AFAP1L1: variants seen among roughly 807,000 people sequenced by gnomAD.
AFAP1L1 encodes actin filament associated protein 1 like 1.
Under a neutral mutation model 99.8 loss-of-function variants are expected in AFAP1L1, and 77 were observed. The observed-to-expected ratio is 0.77, with a 90% CI of 0.64 to 0.93. AFAP1L1 has a LOEUF of 0.93. Among genes scored for constraint, AFAP1L1 ranks in the 40% least tolerant of loss-of-function variants. The probability of loss-of-function intolerance (pLI) is 0.00; values close to 1 mark genes in which losing one functional copy is unlikely to be tolerated. For synonymous variants in AFAP1L1, 373 were observed against 395.3 expected (o/e 0.94, Z 0.67); for missense variants, 893 against 996.8 (o/e 0.90, Z 1.40).
intron 15 of AFAP1L1, among the ~76,000 whole-genome samples, chr5:149,327,348 T>C (rs1757125909): frequency 1.3e-5 from 2 of 152,244 alleles, no homozygotes; most frequent in African/African-American, 2.4e-5. Context: ...GGGTAACTTA[T>C]AAACAACAGA....
chr5:149,277,113 G>A (rs1052588955), intron 1 of AFAP1L1, among the ~76,000 whole-genome samples: 8 of 152,156 alleles, frequency 5.3e-5, no homozygotes, highest in African/African-American at 1.2e-4. Flanking sequence ...CCAACATTAT[G>A]TCTGATCTCC....
At chr5:149,272,369 C>G (rs1227176334) in intron 1 of AFAP1L1, among the ~76,000 whole-genome samples, 2 of 152,200 alleles carry the variant, frequency 1.3e-5, no homozygotes, top group African/African-American at 4.8e-5. Flanking sequence ...GTGGGCAGCC[C>G]CTAGGGAGAA....
At chr5:149,317,647 C>G in intron 11 of AFAP1L1, 82 bp from the exon 12 acceptor site, 1 of 1,484,438 alleles carries the variant, frequency 6.7e-7, no homozygotes, top group African/African-American at 1.4e-5. Context: ...GGCCTTCTTT[C>G]CAGCAGACAC....
intron 6 of AFAP1L1, 119 bp downstream of exon 6, chr5:149,306,523 T>G: frequency 2.2e-6 from 2 of 896,862 alleles, no homozygotes; most frequent in Non-Finnish European, 3.3e-6. Flanking sequence ...CCATGGTCAC[T>G]AGAGAGGCCC....
At chr5:149,332,209 C>CA (rs767024737) in intron 16 of AFAP1L1, among the ~76,000 whole-genome samples, 14 of 152,300 alleles carry the variant, frequency 9.2e-5, no homozygotes, top group Non-Finnish European at 1.2e-4. Flanking sequence ...CTAGCCTGGC[C>CA]AACATGGCAA....
chr5:149,297,584 T>C (rs1003275854), intron 1 of AFAP1L1, among the ~76,000 whole-genome samples: 3 of 152,152 alleles, frequency 2.0e-5, no homozygotes, highest in African/African-American at 7.2e-5. Context: ...TTCAGCTCAT[T>C]GTCAACGAGT....
chr5:149,280,902 T>A (rs1415377356), intron 1 of AFAP1L1, among the ~76,000 whole-genome samples: 1 of 152,120 alleles, frequency 6.6e-6, no homozygotes, highest in East Asian at 1.9e-4. Flanking sequence ...AGTGCCAGAA[T>A]GGAAATGGAT....
intron 16 of AFAP1L1, among the ~76,000 whole-genome samples, chr5:149,330,891 G>A (rs368147882): frequency 1.3e-5 from 2 of 151,942 alleles, no homozygotes; most frequent in African/African-American, 4.8e-5. Context: ...CTAGGGCCAA[G>A]GACAATGCCT....
chr5:149,290,249 A>G lies in AFAP1L1; in HGVS notation c.17-9260A>G, dbSNP rs1382563111. ...GTCCCCCAAAAATAAGACTTAATTTATATAAATAATACATGTAAATCACTT... is the reference window on the plus strand; with the variant it reads ...GTCCCCCAAAAATAAGACTTAATTTGTATAAATAATACATGTAAATCACTT... On this transcript the variant is annotated intron_variant, in intron 1 of 18. Coordinates refer to ENST00000296721, the MANE Select transcript of AFAP1L1 (RefSeq NM_152406.4). Among the ~76,000 whole-genome samples, 4 of 152,230 alleles carry G rather than the reference A, an allele frequency of 2.6e-5. No homozygotes were observed. The South Asian group carries it at 8.3e-4, about 32-fold the overall frequency.
rs1756840327 is a variant in AFAP1L1 at position 149,317,794 on chromosome 5, CTG to C, written c.1335_1336del (p.Tyr446PhefsTer21). 1.2e-6 allele frequency: 2 copies of C among 1,613,946 alleles called. No homozygotes were observed. The highest frequency in any genetic ancestry group is 1.3e-5 in the African/African-American group (1 of 74,948). The stretch of plus-strand genomic sequence containing the variant: ...CTGGTGCCGCCTGAAGTGCAACACT[CTG>C]TATTTCCACAAGGATCACATGGACC... Reference protein sequence around the residue: ...ERWCRLKCNTLYFHKDHMDLR... With the variant: ...ERWCRLKCNTXYFHKDHMDLR... On this transcript the variant is annotated frameshift_variant, in exon 12 of 19. Coordinates refer to ENST00000296721, the MANE Select transcript of AFAP1L1 (RefSeq NM_152406.4). LOFTEE classifies it high-confidence loss of function.
At chr5:149,302,714 T>C in intron 5 of AFAP1L1, 188 bp downstream of exon 5, 1 of 506,932 alleles carries the variant, frequency 2.0e-6, no homozygotes, top group Non-Finnish European at 3.4e-6. Context: ...GACCAATATG[T>C]GGGGCCCCAG....
intron 15 of AFAP1L1, among the ~76,000 whole-genome samples, chr5:149,328,524 G>A (rs1757156567): frequency 1.3e-5 from 2 of 152,114 alleles, no homozygotes; most frequent in African/African-American, 4.8e-5. Flanking sequence ...AGTAAGTTTT[G>A]TGGGCTGGGC....
At chr5:149,329,872 G>C (rs754248044) in intron 16 of AFAP1L1, 42 bp downstream of exon 16, 4 of 1,535,734 alleles carry the variant, frequency 2.6e-6, no homozygotes, top group Non-Finnish European at 3.5e-6. Flanking sequence ...TGGGTGGCCA[G>C]CTCATCCTTG....
At chr5:149,334,082 G>T (rs1334839092) in intron 17 of AFAP1L1, among the ~76,000 whole-genome samples, 1 of 152,158 alleles carries the variant, frequency 6.6e-6, no homozygotes, top group Admixed American at 6.5e-5. Flanking sequence ...TAAATGTTTT[G>T]CCTGCTTTCG....
At chr5:149,316,395 T>A in intron 11 of AFAP1L1, 92 bp downstream of exon 11, 3 of 1,480,378 alleles carry the variant, frequency 2.0e-6, no homozygotes, top group Non-Finnish European at 2.8e-6. Flanking sequence ...CTCGTCCACC[T>A]CACCCCCAGG....
In AFAP1L1 at chr5:149,320,537, C is replaced by T; in HGVS notation, c.1698+74C>T. The T allele has an allele frequency of 7.4e-7, 1 of 1,351,540 alleles. No homozygotes were observed. The highest frequency in any genetic ancestry group is 1.1e-6 in the Non-Finnish European group (1 of 947,346). 83.7% of individuals were successfully genotyped at this position (1,351,540 alleles called of 1,614,324 possible). A position where few individuals can be genotyped will look rare whatever the true frequency, so the allele number is the denominator to read the frequency against. Reference sequence around the variant, plus strand: ...GCTCTCCCTCTTTCTGCTCCCTTTACCTTCTGCCTCAGAAAGATCATTTTC... The same window carrying T: ...GCTCTCCCTCTTTCTGCTCCCTTTATCTTCTGCCTCAGAAAGATCATTTTC... On this transcript the variant is annotated intron_variant, in intron 14 of 18. Coordinates refer to ENST00000296721, the MANE Select transcript of AFAP1L1 (RefSeq NM_152406.4). This position sits in a 1 kb window ranked among gnomAD's most constrained non-coding sequence, Gnocchi z 4.0.
In AFAP1L1 at chr5:149,322,707, C is replaced by T; in HGVS notation, c.1800C>T (p.Arg600=). 1 of 1,582,174 alleles carries T rather than the reference C, an allele frequency of 6.3e-7. No individual in the cohort carries two copies. Among genetic ancestry groups the T allele is most frequent in the Non-Finnish European group, 8.6e-7 (1 of 1,162,812 alleles). The part of the protein sequence containing the change: ...HRVDPQVKVK[R]HASSANQYKY... The stretch of plus-strand genomic sequence containing the variant: ...TGGACCCGCAGGTCAAAGTCAAACG[C>T]CACGCCTCCAGTGAGTTGTGTGTGG... Residue 600 remains arginine (R), a synonymous_variant, in exon 15 of 19, where the codon CGC becomes CGT. Coordinates refer to ENST00000296721, the MANE Select transcript of AFAP1L1 (RefSeq NM_152406.4).
Position 149,320,686 on chromosome 5 carries a change from A to C in AFAP1L1, c.1698+223A>C, listed in dbSNP as rs937237184. 2.0e-5 allele frequency among the ~76,000 whole-genome samples: 3 copies of C among 152,204 alleles called. No homozygotes were observed. The highest frequency in any genetic ancestry group is 7.2e-5 in the African/African-American group (3 of 41,458). ...AAGAGACCCAGGTTGGGAGGAAGAA[A>C]GGGCTGTGCAGACTCCCAAACACTA... On this transcript the variant is annotated intron_variant, in intron 14 of 18. Transcript: ENST00000296721. This position sits in a 1 kb window ranked among gnomAD's most constrained non-coding sequence, Gnocchi z 4.0.
chr5:149,298,639 G>A (rs2127593534), intron 1 of AFAP1L1, among the ~76,000 whole-genome samples: 1 of 152,338 alleles, frequency 6.6e-6, no homozygotes, highest in Non-Finnish European at 1.5e-5. Context: ...TTGCAAAGCA[G>A]GGCAATACTA....
Sources: gnomAD v4.1 joint callset for allele counts (sites outside exome capture counted in the v4.1 genomes callset) on GRCh38, gnomAD v4.1.1 for gene constraint, Gnocchi (gnomAD v3.1) non-coding constraint, MANE v1.5 for transcripts, NCBI Gene and HGNC (gene_info 2026-07-23, HGNC 2026-07-21) for gene names.